Variants in PTPRD observed in about 807,000 individuals in gnomAD.
PTPRD encodes receptor-type tyrosine-protein phosphatase delta.
A neutral mutation model predicts 214.5 loss-of-function variants in PTPRD; 34 were observed. The observed-to-expected ratio is 0.16, with a 90% CI of 0.12 to 0.21. The LOEUF is 0.21. Ranked by LOEUF, PTPRD falls within the 10% of genes least tolerant of loss-of-function variation. The probability of loss-of-function intolerance (pLI) is 1.00; values close to 1 mark genes in which losing one functional copy is unlikely to be tolerated. For missense variants in PTPRD, 2,545 were observed against 2,398.7 expected, an observed-to-expected ratio of 1.06 and a Z score of -1.27; for synonymous variants, 1,128 against 845.7, an observed-to-expected ratio of 1.33 and a Z score of -5.79.
intron 4 of PTPRD, among the ~76,000 whole-genome samples, chr9:9,944,413 A>C (rs555383707): frequency 7.9e-5 from 12 of 152,278 alleles, no homozygotes; most frequent in African/African-American, 2.4e-4. Context: ...AAAATACAGG[A>C]GTACAAATAA....
chr9:8,962,453 G>C (rs141216282), intron 11 of PTPRD, among the ~76,000 whole-genome samples: 2 of 152,128 alleles, frequency 1.3e-5, no homozygotes, highest in East Asian at 3.9e-4. Context: ...CTTTGGATGT[G>C]ATTTTGGCAG....
intron 2 of PTPRD, among the ~76,000 whole-genome samples, chr9:10,483,016 G>C (rs577336782): frequency 6.6e-6 from 1 of 152,016 alleles, no homozygotes; most frequent in Non-Finnish European, 1.5e-5. Context: ...TGGAGGCATC[G>C]TATGACTCAA....
chr9:8,438,816 C>G (rs1325717216), intron 34 of PTPRD: 1 of 152,164 alleles, frequency 6.6e-6, no homozygotes. Flanking sequence ...AATTACTGCT[C>G]AAAGCTGCAA....
intron 14 of PTPRD, among the ~76,000 whole-genome samples, chr9:8,531,119 A>T (rs12344975): frequency 0.14 from 21,869 of 151,994 alleles, 1,881 homozygotes; most frequent in East Asian, 0.28. Flanking sequence ...GCAGTAATAC[A>T]TTGTTTTTGT....
At chr9:8,549,116 G>C (rs1287183139) in intron 14 of PTPRD, among the ~76,000 whole-genome samples, 1 of 152,132 alleles carries the variant, frequency 6.6e-6, no homozygotes, top group Non-Finnish European at 1.5e-5. Flanking sequence ...TACTATATTA[G>C]TTTAAATGTG....
At chr9:10,076,549 C>G (rs1444097457) in intron 3 of PTPRD, among the ~76,000 whole-genome samples, 2 of 152,056 alleles carry the variant, frequency 1.3e-5, no homozygotes, top group African/African-American at 2.4e-5. Flanking sequence ...AAATGAGAAG[C>G]CTTAACCTCA....
chr9:9,530,941 G>C (rs1349321407), intron 8 of PTPRD, among the ~76,000 whole-genome samples: 2 of 152,046 alleles, frequency 1.3e-5, no homozygotes, highest in Admixed American at 6.6e-5. Flanking sequence ...CAAACATACA[G>C]TTAGATAGAA....
At chr9:8,325,395 T>A (rs893194537) in intron 44 of PTPRD, among the ~76,000 whole-genome samples, 1 of 149,150 alleles carries the variant, frequency 6.7e-6, no homozygotes. Context: ...AAAGATAAGA[T>A]GTTTGCAGAT....
intron 8 of PTPRD, among the ~76,000 whole-genome samples, chr9:9,540,281 G>A (rs147351653): frequency 7.6e-4 from 115 of 151,872 alleles, no homozygotes; most frequent in African/African-American, 2.7e-3. Flanking sequence ...TAAACACTGA[G>A]TATAGGGTAC....
intron 14 of PTPRD, among the ~76,000 whole-genome samples, chr9:8,601,665 G>A (rs991399145): frequency 4.6e-5 from 7 of 152,138 alleles, no homozygotes; most frequent in Non-Finnish European, 1.0e-4. Context: ...AAGTCTCCAA[G>A]AACCACTGTG....
chr9:10,117,534 G>T (rs1393622854), intron 3 of PTPRD, among the ~76,000 whole-genome samples: 2 of 151,758 alleles, frequency 1.3e-5, no homozygotes, highest in African/African-American at 2.4e-5. Context: ...TTCAGTTTTT[G>T]GTTAGTTGCA....
intron 2 of PTPRD, among the ~76,000 whole-genome samples, chr9:10,467,271 C>A (rs1443465504): frequency 6.6e-6 from 1 of 152,182 alleles, no homozygotes; most frequent in South Asian, 2.1e-4. Flanking sequence ...AGGGAATAAA[C>A]CTGTCAATAT....
intron 8 of PTPRD, among the ~76,000 whole-genome samples, chr9:9,461,807 G>C (rs2093684366): frequency 6.6e-6 from 1 of 152,118 alleles, no homozygotes; most frequent in African/African-American, 2.4e-5. Context: ...GAACTGTGCA[G>C]AGAATAGAAT....
chr9:10,464,244 A>T lies in PTPRD; in HGVS notation c.-599-123227T>A, dbSNP rs573359403. 2.6e-5 allele frequency among the ~76,000 whole-genome samples: 4 copies of T among 152,154 alleles called. No individual in the cohort carries two copies. The South Asian group carries it at 6.2e-4, about 24-fold the overall frequency. ...GAAACCCCATCTCTACTAAAAAAAAATTTTAAATGCAAAAATAAAGATTTT... is the reference window on the plus strand; with the variant it reads ...GAAACCCCATCTCTACTAAAAAAAATTTTTAAATGCAAAAATAAAGATTTT... On this transcript the variant is annotated intron_variant, in intron 2 of 45. Transcript: ENST00000381196.
intron 7 of PTPRD, among the ~76,000 whole-genome samples, chr9:9,715,542 T>C (rs1170269373): frequency 6.6e-6 from 1 of 152,042 alleles, no homozygotes; most frequent in Admixed American, 6.5e-5. Flanking sequence ...ATTTCTGAAA[T>C]CAGAGAACAA....
At chr9:8,498,246 G>C (rs898102388) in intron 25 of PTPRD, among the ~76,000 whole-genome samples, 1 of 152,068 alleles carries the variant, frequency 6.6e-6, no homozygotes, top group African/African-American at 2.4e-5. Context: ...TAGAGGCACA[G>C]GGATATTTAT....
chr9:9,934,159 A>C (rs1311877862), intron 5 of PTPRD, among the ~76,000 whole-genome samples: 1 of 148,902 alleles, frequency 6.7e-6, no homozygotes, highest in Non-Finnish European at 1.5e-5. Context: ...TAACATCACA[A>C]TTAAAAGAAC....
At chr9:9,341,904 G>C (rs1320296395) in intron 9 of PTPRD, among the ~76,000 whole-genome samples, 4 of 152,110 alleles carry the variant, frequency 2.6e-5, no homozygotes, top group Admixed American at 2.6e-4. Context: ...CACCTCCTGG[G>C]TTCAAGTGAT....
intron 23 of PTPRD, among the ~76,000 whole-genome samples, chr9:8,502,067 A>C (rs1239189033): frequency 1.3e-5 from 2 of 152,182 alleles, no homozygotes; most frequent in Non-Finnish European, 2.9e-5. Flanking sequence ...TTATATTAGA[A>C]TTAGAAGACA....
Sources: allele counts gnomAD v4.1 joint callset (sites outside exome capture counted in the v4.1 genomes callset), GRCh38; gene constraint gnomAD v4.1.1; transcripts MANE v1.5; gene names NCBI Gene and HGNC (gene_info 2026-07-23, HGNC 2026-07-21).